The following SHTN1 variants were observed in gnomAD, a reference collection of about 807,000 sequenced individuals.
SHTN1 encodes the protein shootin-1.
A neutral mutation model predicts 83.1 loss-of-function variants in SHTN1; 42 were observed. That is an observed-to-expected ratio of 0.51 (90% CI 0.39 to 0.65). The LOEUF (loss-of-function observed/expected upper bound fraction) is 0.65. Ranked by LOEUF, SHTN1 falls within the 30% of genes least tolerant of loss-of-function variation. The pLI, the probability that SHTN1 is intolerant of heterozygous loss-of-function variation, is 0.00. For synonymous variants in SHTN1, 224 were observed against 247.7 expected, an observed-to-expected ratio of 0.90 and a Z score of 0.90; for missense variants, 622 against 737.8, an observed-to-expected ratio of 0.84 and a Z score of 1.82.
intron 1 of SHTN1, among the ~76,000 whole-genome samples, chr10:117,075,880 T>C (rs1437456204): frequency 6.6e-6 from 1 of 152,124 alleles, no homozygotes; most frequent in Non-Finnish European, 1.5e-5. Context: ...ATGATTTGTA[T>C]TTTAGAAAGA....
intron 9 of SHTN1, among the ~76,000 whole-genome samples, chr10:116,934,609 C>A (rs752488456): frequency 2.0e-5 from 3 of 152,088 alleles, no homozygotes; most frequent in Admixed American, 6.5e-5. Context: ...TGTGATGACT[C>A]CAGCTTTGTT....
intron 9 of SHTN1, among the ~76,000 whole-genome samples, chr10:116,931,998 T>C (rs1383608597): frequency 2.6e-5 from 4 of 152,212 alleles, no homozygotes; most frequent in Admixed American, 6.5e-5. Flanking sequence ...CAATTTAGGA[T>C]GGTTTGAGAT....
intron 13 of SHTN1, among the ~76,000 whole-genome samples, chr10:116,913,277 C>T (rs1848270870): frequency 6.6e-6 from 1 of 152,214 alleles, no homozygotes; most frequent in South Asian, 2.1e-4. Flanking sequence ...AAAATGTCGC[C>T]ATTTGTGACA....
chr10:117,086,237 G>A (rs190287346), intron 1 of SHTN1, among the ~76,000 whole-genome samples: 35 of 152,214 alleles, frequency 2.3e-4, no homozygotes, highest in Middle Eastern at 3.4e-3. Context: ...GCGCCCGGCC[G>A]TCTGAAATTA....
At position 116,988,549 on chromosome 10, in the gene SHTN1, ATTTATT is replaced by A. The variant is rs1851306848; in HGVS notation, c.59-9247_59-9242del. On this transcript the variant is annotated intron_variant, in intron 1 of 16. Transcript: ENST00000355371. ...TTACTTATATATTATTTATTTATTT[ATTTATT>A]TTATTATTTTTGAGACAGGGTCTCA... Among the ~76,000 whole-genome samples, 8 of 140,454 alleles carry A rather than the reference ATTTATT, an allele frequency of 5.7e-5. No homozygotes were observed. In the South Asian group the frequency reaches 1.6e-3, roughly 28 times the overall value. The allele number at this position is 140,454 out of a possible 152,430, so 92.1% of individuals were successfully genotyped here.
intron 2 of SHTN1, among the ~76,000 whole-genome samples, chr10:117,042,914 C>A (rs1852607366): frequency 6.6e-6 from 1 of 152,118 alleles, no homozygotes; most frequent in Non-Finnish European, 1.5e-5. Context: ...TTGCTCCCGG[C>A]CCTTTTTCTA....
chr10:116,913,517 A>G (rs532052341), intron 13 of SHTN1, among the ~76,000 whole-genome samples: 3 of 152,244 alleles, frequency 2.0e-5, no homozygotes, highest in Non-Finnish European at 4.4e-5. Flanking sequence ...AAGAAAAAGC[A>G]CAAAGTGATA....
intron 2 of SHTN1, among the ~76,000 whole-genome samples, chr10:117,025,369 T>C (rs923305355): frequency 2.6e-5 from 4 of 152,156 alleles, no homozygotes; most frequent in African/African-American, 9.6e-5. Flanking sequence ...CAGAGGAGAA[T>C]TGCCGATCCC....
chr10:116,925,284 GAAC>G (rs1431306137), intron 11 of SHTN1, among the ~76,000 whole-genome samples: 4 of 152,154 alleles, frequency 2.6e-5, no homozygotes, highest in Non-Finnish European at 4.4e-5. Context: ...GGCCTAATTA[GAAC>G]AACAAGGCTG....
chr10:116,947,023 A>G (rs115970351), intron 7 of SHTN1, among the ~76,000 whole-genome samples: 9 of 152,162 alleles, frequency 5.9e-5, no homozygotes, highest in East Asian at 1.9e-4. Context: ...GCCTGGACAT[A>G]TAAGTTATTT....
At position 117,106,353 on chromosome 10, in the gene SHTN1, G is replaced by A. The variant is rs1164325460; in HGVS notation, c.-189+19954C>T. Among the ~76,000 whole-genome samples, 8 of 152,062 alleles carry A rather than the reference G, an allele frequency of 5.3e-5. No homozygotes were observed. The East Asian group carries it at 1.6e-3, about 30-fold the overall frequency. ...ACCTGTAGTCCCAGCTACTCGTGAG[G>A]CTGAGGCAGGAGAATTGCTTGAACC... On this transcript the variant is annotated intron_variant, in intron 1 of 17. Transcript: ENST00000392901.
At chr10:116,959,076 G>T (rs534834177) in intron 4 of SHTN1, among the ~76,000 whole-genome samples, 2 of 152,260 alleles carry the variant, frequency 1.3e-5, no homozygotes, top group African/African-American at 4.8e-5. Context: ...TCCAAAGAAA[G>T]AAATTCAAAA....
intron 13 of SHTN1, among the ~76,000 whole-genome samples, chr10:116,914,416 G>A (rs1051575389): frequency 6.6e-6 from 1 of 151,798 alleles, no homozygotes; most frequent in Non-Finnish European, 1.5e-5. Context: ...AGGTTGCAGT[G>A]AGCCGAGATT....
chr10:116,886,553 T>C lies in SHTN1; in HGVS notation c.1687A>G (p.Ile563Val). Residue 563 changes from isoleucine (I) to valine (V), a missense_variant, in exon 17 of 17, where the codon ATT becomes GTT. Physicochemically the swap from Ile to Val is conservative, Grantham distance 29 (BLOSUM62 3). Coordinates refer to ENST00000355371, the MANE Select transcript of SHTN1 (RefSeq NM_001127211.3). ...TCAATGTATTTTTTCCTGCATCCAA[T>C]GCTACTGGGAGGCCTATGAGATGAA... ...SKVTFQPPSS[I>V]GCRKKYIDGE... 1 of 1,614,098 alleles carries C rather than the reference T, an allele frequency of 6.2e-7. No individual in the cohort carries two copies. The highest frequency in any genetic ancestry group is 1.1e-5 in the South Asian group (1 of 91,072).
chr10:116,962,888 A>C (rs1445458521), intron 3 of SHTN1, among the ~76,000 whole-genome samples: 1 of 152,146 alleles, frequency 6.6e-6, no homozygotes, highest in East Asian at 1.9e-4. Flanking sequence ...CCAATGTTCT[A>C]GGTTCATATG....
At chr10:116,952,584 T>C (rs931986744) in intron 5 of SHTN1, among the ~76,000 whole-genome samples, 4 of 152,226 alleles carry the variant, frequency 2.6e-5, no homozygotes, top group Non-Finnish European at 5.9e-5. Context: ...ATTTATTTCA[T>C]AGTTTTATTA....
In SHTN1 at chr10:117,003,019, T is replaced by C. The variant is rs751519925; in HGVS notation, c.58+2003A>G. 1.7e-3 allele frequency among the ~76,000 whole-genome samples: 256 copies of C among 152,162 alleles called. 1 individual carries two copies. Among genetic ancestry groups the C allele is most frequent in the Non-Finnish European group, 1.5e-3 (99 of 68,028 alleles). ...ACCCAACATAGGAATGGAGAATGTG[T>C]TCCGAAATCAAATATAAGCAATTTG... On this transcript the variant is annotated intron_variant, in intron 1 of 16. Transcript: ENST00000355371.
chr10:116,898,231 G>C (rs933681872), intron 16 of SHTN1, among the ~76,000 whole-genome samples: 8 of 151,918 alleles, frequency 5.3e-5, no homozygotes. Context: ...GGGAGGCTGA[G>C]GCAAGAGAAT....
rs545207221 is a variant in SHTN1 at position 116,957,660 on chromosome 10, C to G, written c.267+2476G>C. On this transcript the variant is annotated intron_variant, in intron 4 of 16. Coordinates refer to ENST00000355371, the MANE Select transcript of SHTN1 (RefSeq NM_001127211.3). ...TTAGTGGCTATTTAAAGGTACAAAA[C>G]AAGCAAGTTTAATGGCTTTGGATCA... Among the ~76,000 whole-genome samples, 31 of 152,282 alleles carry G rather than the reference C, an allele frequency of 2.0e-4. 1 individual carries two copies. The East Asian group carries it at 6.0e-3, about 29-fold the overall frequency.
Sources: allele counts gnomAD v4.1 joint callset (sites outside exome capture counted in the v4.1 genomes callset), GRCh38; gene constraint gnomAD v4.1.1; transcripts MANE v1.5; gene names NCBI Gene and HGNC (gene_info 2026-07-23, HGNC 2026-07-21).